TSPAN18: variants seen among roughly 807,000 people sequenced by gnomAD.
TSPAN18 encodes tetraspanin-18.
In TSPAN18, 14 loss-of-function variants were observed where a neutral mutation model predicts 27.3. The observed-to-expected ratio is 0.51, with a 90% CI of 0.34 to 0.80. The LOEUF is 0.80. Among genes scored for constraint, TSPAN18 ranks in the 30% least tolerant of loss-of-function variants. TSPAN18 has a pLI of 0.01. For synonymous variants in TSPAN18, 143 were observed against 136.5 expected, an observed-to-expected ratio of 1.05 and a Z score of -0.33; for missense variants, 268 against 323.9, an observed-to-expected ratio of 0.83 and a Z score of 1.32.
rs1858588879 is a variant in TSPAN18, at chr11:44,884,597, C to T, written c.-10-21810C>T. 3.9e-5 allele frequency among the ~76,000 whole-genome samples: 6 copies of T among 152,238 alleles called. No individual in the cohort carries two copies. In the South Asian group the frequency reaches 1.2e-3, roughly 32 times the overall value. ...CCTCACCGGCTCCCAGGAGTCACGG[C>T]CAGAGCTCTCCCTGCAGAGGTTTAA... On this transcript the variant is annotated intron_variant, in intron 3 of 9. Coordinates refer to ENST00000520358, the MANE Select transcript of TSPAN18 (RefSeq NM_130783.5).
intron 2 of TSPAN18, among the ~76,000 whole-genome samples, chr11:44,840,759 G>A (rs949110812): frequency 2.0e-5 from 3 of 152,192 alleles, no homozygotes; most frequent in Non-Finnish European, 4.4e-5. Flanking sequence ...TCACTTTGCA[G>A]ACAGAAAAGC....
At chr11:44,763,449 C>A (rs1365618923) in intron 1 of TSPAN18, among the ~76,000 whole-genome samples, 1 of 152,150 alleles carries the variant, frequency 6.6e-6, no homozygotes, top group Admixed American at 6.5e-5. Flanking sequence ...GGACTTCTAA[C>A]CCCACTGGCA....
chr11:44,804,628 C>A, intron 2 of TSPAN18, among the ~76,000 whole-genome samples: 1 of 152,294 alleles, frequency 6.6e-6, no homozygotes, highest in South Asian at 2.1e-4. Flanking sequence ...GACTGGCGAG[C>A]AGCGATGAGG....
intron 3 of TSPAN18, among the ~76,000 whole-genome samples, chr11:44,861,036 T>G (rs860684): frequency 0.55 from 83,870 of 151,808 alleles, 23,620 homozygotes; most frequent in East Asian, 0.75. Context: ...TGGGGCCTAT[T>G]TATTGGTTTC....
At chr11:44,819,654 C>T (rs2135118162) in intron 2 of TSPAN18, among the ~76,000 whole-genome samples, 1 of 152,124 alleles carries the variant, frequency 6.6e-6, no homozygotes, top group East Asian at 1.9e-4. Context: ...GACTTTTCTC[C>T]CCTCTCTTAT....
At chr11:44,731,508 C>G (rs1387737309) in intron 1 of TSPAN18, among the ~76,000 whole-genome samples, 1 of 151,528 alleles carries the variant, frequency 6.6e-6, no homozygotes, top group Admixed American at 6.6e-5. Context: ...TGTTCACTAT[C>G]ATCATCATTG....
chr11:44,930,498 C>T lies in TSPAN18; in HGVS notation c.*1320C>T, dbSNP rs754978678. The stretch of plus-strand genomic sequence containing the variant: ...CCAGGCTAAAGAATCCCGAAGGCAT[C>T]GAGGCCATTTCTGCTGCAACAAGGT... On this transcript the variant is annotated 3_prime_UTR_variant, in exon 10 of 10. Transcript: ENST00000520358. The T allele has an allele frequency of 2.1e-5, 5 of 242,372 alleles. No homozygotes were observed. The highest frequency in any genetic ancestry group is 4.8e-5 in the South Asian group (1 of 20,888). 15.0% of individuals were successfully genotyped at this position (242,372 alleles called of 1,614,324 possible).
At chr11:44,819,714 C>G (rs1474864401) in intron 2 of TSPAN18, among the ~76,000 whole-genome samples, 2 of 150,356 alleles carry the variant, frequency 1.3e-5, no homozygotes, top group Non-Finnish European at 3.0e-5. Context: ...TTTTTTTTTC[C>G]TCTTTCCTTT....
intron 2 of TSPAN18, among the ~76,000 whole-genome samples, chr11:44,799,030 C>G (rs1195024432): frequency 4.7e-5 from 7 of 149,824 alleles, no homozygotes; most frequent in Non-Finnish European, 1.0e-4. Context: ...ACCCCACCCC[C>G]TCCCAGGCAG....
chr11:44,756,117 G>T (rs1308736762), intron 1 of TSPAN18, among the ~76,000 whole-genome samples: 2 of 152,096 alleles, frequency 1.3e-5, no homozygotes, highest in African/African-American at 4.8e-5. Context: ...AGTCTTCCTG[G>T]CTCTCTTCCT....
At chr11:44,831,417 G>T (rs1857151544) in intron 2 of TSPAN18, among the ~76,000 whole-genome samples, 1 of 152,186 alleles carries the variant, frequency 6.6e-6, no homozygotes, top group Admixed American at 6.5e-5. Flanking sequence ...GACAAGTGTG[G>T]TTACATTTCT....
chr11:44,929,205 C>T lies in TSPAN18; in HGVS notation c.*27C>T, dbSNP rs373385023. 287 of 1,613,274 alleles carry T rather than the reference C, an allele frequency of 1.8e-4. No homozygotes were observed. Among genetic ancestry groups the T allele is most frequent in the Non-Finnish European group, 2.2e-4 (263 of 1,179,968 alleles). On this transcript the variant is annotated 3_prime_UTR_variant, in exon 10 of 10. Coordinates refer to ENST00000520358, the MANE Select transcript of TSPAN18 (RefSeq NM_130783.5). The stretch of plus-strand genomic sequence containing the variant: ...GGGTATGGCCTGAAGCCTGAAGACT[C>T]GCCCCACCCACCACTGCCCAGCACC...
intron 3 of TSPAN18, among the ~76,000 whole-genome samples, chr11:44,891,647 T>C (rs1414477395): frequency 6.6e-6 from 1 of 152,062 alleles, no homozygotes; most frequent in Non-Finnish European, 1.5e-5. Context: ...ACGGTGAGGA[T>C]TGGTGGGACT....
rs1857522943 is a variant in TSPAN18 at position 44,848,136 on chromosome 11, T to C, written c.-152-12192T>C. 2.0e-5 allele frequency among the ~76,000 whole-genome samples: 3 copies of C among 152,278 alleles called. No individual in the cohort carries two copies. In the South Asian group the frequency reaches 6.2e-4, roughly 32 times the overall value. On this transcript the variant is annotated intron_variant, in intron 2 of 9. Coordinates refer to ENST00000520358, the MANE Select transcript of TSPAN18 (RefSeq NM_130783.5). Reference sequence around the variant, plus strand: ...CAGAGATGAGCCACTGCACCCAGCCTCAAAGTACCTTTTGAAGAGGCTGTG... The same window carrying C: ...CAGAGATGAGCCACTGCACCCAGCCCCAAAGTACCTTTTGAAGAGGCTGTG...
At chr11:44,758,047 C>G (rs887170476) in intron 1 of TSPAN18, among the ~76,000 whole-genome samples, 6 of 152,078 alleles carry the variant, frequency 3.9e-5, no homozygotes, top group African/African-American at 1.4e-4. Flanking sequence ...TTACAAAATC[C>G]AATGTCAAAT....
intron 3 of TSPAN18, among the ~76,000 whole-genome samples, chr11:44,867,609 G>A (rs1858075370): frequency 6.6e-6 from 1 of 152,028 alleles, no homozygotes; most frequent in African/African-American, 2.4e-5. Flanking sequence ...ATGTTGACCA[G>A]GGTGGTCTCA....
chr11:44,784,109 G>C (rs1001464999), intron 2 of TSPAN18, among the ~76,000 whole-genome samples: 4 of 152,142 alleles, frequency 2.6e-5, no homozygotes, highest in African/African-American at 9.7e-5. Flanking sequence ...CTTGACTTGG[G>C]GGTAAAATGC....
intron 2 of TSPAN18, among the ~76,000 whole-genome samples, chr11:44,768,983 G>A (rs999641576): frequency 6.8e-6 from 1 of 146,202 alleles, no homozygotes; most frequent in Non-Finnish European, 1.5e-5. Flanking sequence ...TGCAACCTCC[G>A]CCTTTCAGGT....
intron 2 of TSPAN18, among the ~76,000 whole-genome samples, chr11:44,786,623 C>CTT (rs528871558): frequency 7.1e-5 from 7 of 98,204 alleles, no homozygotes; most frequent in East Asian, 2.6e-4. Context: ...TATCCACTTA[C>CTT]TTTTTTTTTT....
Sources: allele counts gnomAD v4.1 joint callset (sites outside exome capture counted in the v4.1 genomes callset), GRCh38; gene constraint gnomAD v4.1.1; transcripts MANE v1.5; gene names NCBI Gene and HGNC (gene_info 2026-07-23, HGNC 2026-07-21).